The following ROBO1 variants were observed in gnomAD, a reference collection of about 807,000 sequenced individuals.
ROBO1 encodes the protein roundabout homolog 1.
In ROBO1, 149 loss-of-function variants were observed where a neutral mutation model predicts 195.9. The observed-to-expected ratio is 0.76, with a 90% confidence interval of 0.67 to 0.87. The LOEUF (loss-of-function observed/expected upper bound fraction) is 0.87, where lower values mean the gene tolerates loss of function less well. Ranked by LOEUF, ROBO1 falls within the 40% of genes least tolerant of loss-of-function variation. The pLI, the probability that ROBO1 is intolerant of heterozygous loss-of-function variation, is 0.00. For missense variants in ROBO1, 1,933 were observed against 2,068.3 expected (o/e 0.93, Z 1.27); for synonymous variants, 816 against 733.2 (o/e 1.11, Z -1.82).
chr3:78,673,587 TATATATATATATATATATAC>T lies in ROBO1; in HGVS notation c.1343-3306_1343-3287del, dbSNP rs1323611993. Among the ~76,000 whole-genome samples the T allele has an allele frequency of 1.7e-3, 123 of 71,294 alleles. 2 individuals are homozygous for T. Among genetic ancestry groups the T allele is most frequent in the Admixed American group, 3.8e-3 (19 of 5,030 alleles). 46.8% of individuals were successfully genotyped at this position (71,294 alleles called of 152,430 possible). On this transcript the variant is annotated intron_variant, in intron 10 of 30. Transcript: ENST00000464233. ...TTATATATATATATATATATATATATATATATATATATATATATACACACATATATTACAGCAGGGTTATA... is the reference window on the plus strand; with the variant it reads ...TTATATATATATATATATATATATATACACATATATTACAGCAGGGTTATA...
chr3:78,933,195 T>C (rs1245561020), intron 4 of ROBO1, among the ~76,000 whole-genome samples: 1 of 152,134 alleles, frequency 6.6e-6, no homozygotes, highest in East Asian at 1.9e-4. Context: ...ACTGAAATGG[T>C]CAGCAAACTG....
Position 79,296,306 on chromosome 3 carries a change from T to C in ROBO1, c.89-170767A>G, listed in dbSNP as rs150227796. 3.5e-3 allele frequency among the ~76,000 whole-genome samples: 533 copies of C among 152,294 alleles called. 4 individuals carry two copies. The highest frequency in any genetic ancestry group is 0.012 in the African/African-American group (501 of 41,562). ...ACTCAATTTTCCTTAGCATAGAGAGTATAAAATATGCAAATTAACCATCTT... is the reference window on the plus strand; with the variant it reads ...ACTCAATTTTCCTTAGCATAGAGAGCATAAAATATGCAAATTAACCATCTT... On this transcript the variant is annotated intron_variant, in intron 2 of 30. Transcript: ENST00000464233.
At position 78,714,480 on chromosome 3, in the gene ROBO1, G is replaced by A. The variant is rs1315775323; in HGVS notation, c.962C>T (p.Thr321Ile). 1 of 1,612,718 alleles carries A rather than the reference G, an allele frequency of 6.2e-7. No individual in the cohort carries two copies. Among genetic ancestry groups the A allele is most frequent in the Non-Finnish European group, 8.5e-7 (1 of 1,179,272 alleles). The change falls in exon 8 of 31, where the codon ACA (threonine) becomes ATA (isoleucine). Residue 321 changes from threonine to isoleucine, a missense_variant. Thr to Ile is a moderately conservative substitution (Grantham distance 89). Coordinates refer to ENST00000464233, the MANE Select transcript of ROBO1 (RefSeq NM_002941.4). ...AGTGTATGAACCCATGTCACCAGCT[G>A]TCACCTTCCTAATTTTCAAGGTATG... ...DDHTLKIRKV[T>I]AGDMGSYTCV...
chr3:78,770,234 T>A (rs969540239), intron 4 of ROBO1, among the ~76,000 whole-genome samples: 1 of 152,176 alleles, frequency 6.6e-6, no homozygotes, highest in Non-Finnish European at 1.5e-5. Flanking sequence ...TTTGGTCATT[T>A]AACCTAATCC....
At position 78,598,215 on chromosome 3, in the gene ROBO1, C is replaced by CCAA. The variant is rs1270339820; in HGVS notation, c.*695_*697dup. On this transcript the variant is annotated 3_prime_UTR_variant, in exon 31 of 31. Transcript: ENST00000464233. ...TGACAATGACTAGACAACCAGAGATCCAACTGGCTTAGCCCTACTTATCCA... is the reference window on the plus strand; with the variant it reads ...TGACAATGACTAGACAACCAGAGATCCAACAACTGGCTTAGCCCTACTTATCCA... The CCAA allele has an allele frequency of 3.3e-5, 5 of 152,340 alleles. No homozygotes were observed. The highest frequency in any genetic ancestry group is 7.4e-5 in the Non-Finnish European group (5 of 68,016). The allele number at this position is 152,340 out of a possible 1,614,324, so 9.4% of individuals were successfully genotyped here.
At chr3:78,865,470 C>T (rs186350359) in intron 4 of ROBO1, among the ~76,000 whole-genome samples, 219 of 146,848 alleles carry the variant, frequency 1.5e-3, no homozygotes, top group African/African-American at 5.5e-3. Flanking sequence ...GCTTGATGAA[C>T]GCTTTTTTTT....
chr3:79,659,451 G>C (rs933943106), intron 1 of ROBO1, among the ~76,000 whole-genome samples: 1 of 151,902 alleles, frequency 6.6e-6, no homozygotes, highest in African/African-American at 2.4e-5. Context: ...TTTGTTATGG[G>C]ATCATCACCC....
At chr3:79,489,137 TAAG>T (rs1206833377) in intron 2 of ROBO1, among the ~76,000 whole-genome samples, 1 of 151,310 alleles carries the variant, frequency 6.6e-6, no homozygotes, top group Non-Finnish European at 1.5e-5. Context: ...AAACATGTGG[TAAG>T]AAGATAAACT....
At chr3:79,227,541 C>T (rs567789123) in intron 2 of ROBO1, among the ~76,000 whole-genome samples, 1 of 152,306 alleles carries the variant, frequency 6.6e-6, no homozygotes, top group African/African-American at 2.4e-5. Flanking sequence ...CCTTGGCCAG[C>T]TCAGTGAATG....
chr3:79,489,483 G>A (rs6802032), intron 2 of ROBO1, among the ~76,000 whole-genome samples: 33,237 of 151,554 alleles, frequency 0.22, 4,311 homozygotes, highest in African/African-American at 0.33. Flanking sequence ...GTGAAACCCC[G>A]TCTCTAATAA....
intron 3 of ROBO1, among the ~76,000 whole-genome samples, chr3:78,939,423 G>GATGTAGGAAAGC (rs1437666928): frequency 4.6e-5 from 7 of 150,624 alleles, no homozygotes; most frequent in Admixed American, 6.6e-5. Context: ...GACCATCCTG[G>GATGTAGGAAAGC]CTAACAAGGT....
chr3:79,349,913 G>A (rs9855638), intron 2 of ROBO1, among the ~76,000 whole-genome samples: 5 of 151,868 alleles, frequency 3.3e-5, no homozygotes, highest in Non-Finnish European at 7.4e-5. Flanking sequence ...TATATGACAC[G>A]AAATGCATGA....
At chr3:79,558,874 A>G (rs944833648) in intron 2 of ROBO1, among the ~76,000 whole-genome samples, 1 of 152,160 alleles carries the variant, frequency 6.6e-6, no homozygotes, top group Non-Finnish European at 1.5e-5. Context: ...TTCCTTGAGT[A>G]AAACATCTGT....
intron 4 of ROBO1, among the ~76,000 whole-genome samples, chr3:78,925,881 T>G (rs1214586033): frequency 1.3e-5 from 2 of 152,082 alleles, no homozygotes; most frequent in Non-Finnish European, 2.9e-5. Flanking sequence ...ATGTACTTTT[T>G]TTTTTTTGAG....
chr3:79,627,589 A>T (rs1432533995), intron 1 of ROBO1, among the ~76,000 whole-genome samples: 1 of 151,832 alleles, frequency 6.6e-6, no homozygotes, highest in African/African-American at 2.4e-5. Context: ...ACATAGGCAT[A>T]TGCAAAGACT....
At chr3:79,444,770 C>T (rs1458663432) in intron 2 of ROBO1, among the ~76,000 whole-genome samples, 1 of 151,990 alleles carries the variant, frequency 6.6e-6, no homozygotes, top group Non-Finnish European at 1.5e-5. Context: ...GGCAACACAG[C>T]AATGACAAAA....
At position 78,650,354 on chromosome 3, in the gene ROBO1, T is replaced by C. The variant is rs373374459; in HGVS notation, c.2812+1378A>G. 9.9e-5 allele frequency among the ~76,000 whole-genome samples: 15 copies of C among 152,198 alleles called. No individual in the cohort carries two copies. The East Asian group carries it at 2.1e-3, about 22-fold the overall frequency. The stretch of plus-strand genomic sequence containing the variant: ...AGGACACATATCTGAAAAAAACATA[T>C]TTAAGGATGATAATGCTAAAGCAAA... On this transcript the variant is annotated intron_variant, in intron 19 of 30. Coordinates refer to ENST00000464233, the MANE Select transcript of ROBO1 (RefSeq NM_002941.4).
chr3:78,847,864 A>T (rs1375930536), intron 4 of ROBO1, among the ~76,000 whole-genome samples: 4 of 152,240 alleles, frequency 2.6e-5, no homozygotes, highest in Admixed American at 2.6e-4. Flanking sequence ...TGAAAAGTTA[A>T]GATAACGGAA....
chr3:79,205,385 T>C (rs1377313608), intron 2 of ROBO1, among the ~76,000 whole-genome samples: 2 of 152,254 alleles, frequency 1.3e-5, no homozygotes, highest in East Asian at 3.9e-4. Flanking sequence ...TTGGATCAAA[T>C]AATTAACTTA....
Sources: allele counts gnomAD v4.1 joint callset (sites outside exome capture counted in the v4.1 genomes callset), GRCh38; gene constraint gnomAD v4.1.1; transcripts MANE v1.5; gene names NCBI Gene and HGNC (gene_info 2026-07-23, HGNC 2026-07-21).